The following TTN variants were observed in gnomAD, a reference collection of about 807,000 sequenced individuals.
TTN encodes the protein connectin.
In TTN, 1,525 loss-of-function variants were observed where a neutral mutation model predicts 3,223.0. The ratio of observed to expected loss-of-function variants is 0.47; its 90% confidence interval spans 0.45 to 0.49. The LOEUF is 0.49. Among genes scored for constraint, TTN ranks in the 20% least tolerant of loss-of-function variants. The pLI, the probability that TTN is intolerant of heterozygous loss-of-function variation, is 0.00. For synonymous variants in TTN, 14,094 were observed against 15,161.0 expected (o/e 0.93, Z 5.17); for missense variants, 40,786 against 43,424.0 (o/e 0.94, Z 5.40).
At chr2:178,793,627 A>G in intron 8 of TTN, 86 bp from the exon 9 acceptor site, 1 of 1,583,334 alleles carries the variant, frequency 6.3e-7, no homozygotes, top group Non-Finnish European at 8.6e-7. Context: ...ACATGGTGAA[A>G]TCCTCTACTA....
chr2:178,573,798 T>C lies in TTN; in HGVS notation c.72334A>G (p.Lys24112Glu). The C allele has an allele frequency of 6.2e-7, 1 of 1,610,934 alleles. No individual in the cohort carries two copies. Among genetic ancestry groups the C allele is most frequent in the Non-Finnish European group, 8.5e-7 (1 of 1,178,148 alleles). ...LTATNPGGFA[K>E]HIFNVKVLDR... ...AGAACTTTGACATTGAAAATGTGTT[T>C]AGCAAAGCCACCAGGATTAGTCGCT... is the stretch of plus-strand genomic sequence containing the variant. The change falls in exon 326 of 363, where the codon AAA becomes GAA. Residue 24112 changes from lysine (K) to glutamate (E), a missense_variant. Lys to Glu is a moderately conservative substitution (Grantham distance 56). Transcript: ENST00000589042.
chr2:178,532,092 G>A lies in TTN; in HGVS notation c.104523C>T (p.Arg34841=). The A allele has an allele frequency of 1.2e-6, 2 of 1,613,938 alleles. No homozygotes were observed. Among genetic ancestry groups the A allele is most frequent in the Non-Finnish European group, 8.5e-7 (1 of 1,179,868 alleles). Residue 34841 remains arginine (R), a synonymous_variant, in exon 358 of 363, where the codon CGC becomes CGT. Transcript: ENST00000589042. ...ACTCAATATAAGTTGGAGACAGGGA[G>A]CGCCGTCGTCTCAGTAGTCTAGACG... ...SSASRLLRRR[R]SLSPTYIELM...
In TTN at chr2:178,565,496, T is replaced by C. The variant is rs1486306347; in HGVS notation, c.80636A>G (p.Gln26879Arg). ...VPVIAKDLTI[Q>R]PSLKLPFNTY... ...GTTAAATGGTAACTTTAAACTAGGC[T>C]GTATAGTCAAGTCCTTGGCTATGAC... The change falls in exon 326 of 363, where the codon CAG becomes CGG. Residue 26879 changes from glutamine to arginine, a missense_variant. Physicochemically the swap from Gln to Arg is conservative, Grantham distance 43 (BLOSUM62 1). Transcript: ENST00000589042. 1 of 1,613,446 alleles carries C rather than the reference T, an allele frequency of 6.2e-7. No homozygotes were observed.
Position 178,576,219 on chromosome 2 carries a change from C to T in TTN, c.69913G>A (p.Asp23305Asn). The T allele has an allele frequency of 1.9e-6, 3 of 1,612,948 alleles. No homozygotes were observed. The highest frequency in any genetic ancestry group is 2.5e-6 in the Non-Finnish European group (3 of 1,179,418). The change falls in exon 326 of 363, where the codon GAT (aspartate) becomes AAT (asparagine). Residue 23305 changes from aspartate to asparagine, a missense_variant. Asp to Asn is a conservative substitution (Grantham distance 23, BLOSUM62 1). Coordinates refer to ENST00000589042, the MANE Select transcript of TTN (RefSeq NM_001267550.2). The surrounding 1 kb of genome is among the most constrained non-coding windows in gnomAD (Gnocchi z 4.3). Reference protein sequence around the residue: ...ALRITQFVVPDLQTKEKYNFR... With the variant: ...ALRITQFVVPNLQTKEKYNFR... ...TTGTATTTTTCTTTAGTCTGAAGAT[C>T]AGGAACAACGAACTGAGTGATTCTG...
At chr2:178,662,856 G>A (rs1029863379) in intron 174 of TTN, 44 bp from the exon 175 acceptor site, 4 of 1,155,826 alleles carry the variant, frequency 3.5e-6, no homozygotes, top group Non-Finnish European at 5.0e-6. Context: ...TATAAAGGGG[G>A]AATATCGACT....
chr2:178,775,572 G>C lies in TTN; in HGVS notation c.6292C>G (p.Arg2098Gly), dbSNP rs763722868. The C allele has an allele frequency of 1.9e-6, 3 of 1,614,014 alleles. No homozygotes were observed. In the Admixed American group the frequency reaches 5.0e-5, roughly 27 times the overall value. The stretch of plus-strand genomic sequence containing the variant: ...TCTGGTTTCCCCACGACTCTGACCC[G>C]GAAGTGTGCATCAGATCCTTGGCCC... ...TVGQGSDAHF[R>G]VRVVGKPDPE... The change falls in exon 28 of 363, where the codon CGG becomes GGG. Residue 2098 changes from arginine (R) to glycine (G), a missense_variant. By Grantham distance (125) the Arg-to-Gly change is moderately radical (BLOSUM62 -2). Transcript: ENST00000589042.
chr2:178,741,264 G>T lies in TTN; in HGVS notation c.11969C>A (p.Pro3990His), dbSNP rs33971253. The change falls in exon 48 of 363, where the codon CCT (proline) becomes CAT (histidine). Residue 3990 changes from proline (P) to histidine (H), a missense_variant. Transcript: ENST00000589042. ...GACAATGAAAGTTCCAGAGCCATTA[G>T]GGTTATGAATGATAGTGTAATAAAC... ...TSVYYTIIHN[P>H]NGSGTFIVND... The T allele has an allele frequency of 1.2e-6, 2 of 1,613,690 alleles. No individual in the cohort carries two copies. The highest frequency in any genetic ancestry group is 1.3e-5 in the African/African-American group (1 of 74,922).
chr2:178,688,239 GT>G lies in TTN; in HGVS notation c.32198-16del. The G allele has an allele frequency of 1.2e-6, 2 of 1,606,170 alleles. No individual in the cohort carries two copies. The highest frequency in any genetic ancestry group is 1.7e-6 in the Non-Finnish European group (2 of 1,175,060). Reference sequence around the variant, plus strand: ...CTCTGCAGATACTTTAAAAGATAAGGTTTCATTTAAATTCAGCCTGCTGAGA... The same window carrying G: ...CTCTGCAGATACTTTAAAAGATAAGGTTCATTTAAATTCAGCCTGCTGAGA... On this transcript the variant is annotated splice_polypyrimidine_tract_variant and intron_variant, in intron 126 of 362. Transcript: ENST00000589042.
Position 178,597,969 on chromosome 2 carries a change from G to A in TTN, c.57201C>T (p.Asn19067=), listed in dbSNP as rs762173832. 1.2e-6 allele frequency: 2 copies of A among 1,613,338 alleles called. No homozygotes were observed. The highest frequency in any genetic ancestry group is 1.7e-5 in the Admixed American group (1 of 59,956). ...AFYKFRVRAV[N]IAGIGEPGEV... is the part of the protein sequence containing the mutation. The stretch of plus-strand genomic sequence containing the variant: ...CTCCAGGTTCTCCAATGCCAGCAAT[G>A]TTGACTGCTCTAACTCTAAATTTGT... Residue 19067 remains asparagine, a synonymous_variant, in exon 293 of 363, where the codon AAC becomes AAT. Coordinates refer to ENST00000589042, the MANE Select transcript of TTN (RefSeq NM_001267550.2).
chr2:178,542,321 G>A lies in TTN; in HGVS notation c.97435C>T (p.Arg32479Cys), dbSNP rs200148139. The change falls in exon 349 of 363, where the codon CGC (arginine) becomes TGC (cysteine). Residue 32479 changes from arginine (R) to cysteine (C), a missense_variant. Transcript: ENST00000589042. ...TGCAAGTAAGAGCCAATCCCGAAGC[G>A]GTTTGTTGCAGCCACACGGAACACA... ...EYVFRVAATN[R>C]FGIGSYLQSE... is the part of the protein sequence containing the mutation. The A allele has an allele frequency of 4.3e-6, 7 of 1,612,990 alleles. No individual in the cohort carries two copies. Among genetic ancestry groups the A allele is most frequent in the Non-Finnish European group, 5.9e-6 (7 of 1,179,448 alleles).
Position 178,582,012 on chromosome 2 carries a change from A to C in TTN, c.66357T>G (p.Gly22119=). ...PIIERTLKAT[G]LQEGTEYEFR... ...ACTCATATTCGGTACCTTCTTGAAG[A>C]CCTGTTGCTTTTAATGTTCTTTCTA... The change falls in exon 315 of 363, where the codon GGT becomes GGG. Residue 22119 remains glycine, a synonymous_variant. Coordinates refer to ENST00000589042, the MANE Select transcript of TTN (RefSeq NM_001267550.2). 1 of 1,613,260 alleles carries C rather than the reference A, an allele frequency of 6.2e-7. No homozygotes were observed. The highest frequency in any genetic ancestry group is 8.5e-7 in the Non-Finnish European group (1 of 1,179,484).
chr2:178,597,784 C>T lies in TTN; in HGVS notation c.57298G>A (p.Asp19100Asn), dbSNP rs2154189970. 8 of 1,613,208 alleles carry T rather than the reference C, an allele frequency of 5.0e-6. No homozygotes were observed. The highest frequency in any genetic ancestry group is 4.2e-6 in the Non-Finnish European group (5 of 1,179,550). The change falls in exon 294 of 363, where the codon GAT becomes AAT. Residue 19100 changes from aspartate to asparagine, a missense_variant. Transcript: ENST00000589042. ...PDLQLDASVR[D>N]RIVVHAGGVI... The stretch of plus-strand genomic sequence containing the variant: ...CCTCCAGCATGGACAACAATTCTAT[C>T]TCTGACACTGGCATCTAGCTGAAGG...
At chr2:178,647,598 C>T (rs2062223238) in intron 213 of TTN, 134 bp from the exon 214 acceptor site, 1 of 741,344 alleles carries the variant, frequency 1.3e-6, no homozygotes, top group South Asian at 1.9e-5. Flanking sequence ...AGACATGGCA[C>T]CATTTTGGAC....
In TTN at chr2:178,565,202, A is replaced by G. The variant is rs774769114; in HGVS notation, c.80930T>C (p.Val26977Ala). Residue 26977 changes from valine (V) to alanine (A), a missense_variant, in exon 326 of 363, where the codon GTT becomes GCT. Transcript: ENST00000589042. ...VIVLEKPGPP[V>A]GPVRFDEVSA... is the part of the protein sequence containing the mutation. ...AACTTCATCAAACCGAACTGGGCCA[A>G]CTGGAGGTCCAGGCTTTTCTAAAAC... 6 of 1,613,448 alleles carry G rather than the reference A, an allele frequency of 3.7e-6. No individual in the cohort carries two copies. The African/African-American group carries it at 4.0e-5, about 11-fold the overall frequency.
At position 178,583,782 on chromosome 2, in the gene TTN, AG is replaced by A; in HGVS notation, c.65399del (p.Pro21800LeufsTer25). 6.2e-7 allele frequency: 1 copy of A among 1,610,990 alleles called. No individual in the cohort carries two copies. The highest frequency in any genetic ancestry group is 8.5e-7 in the Non-Finnish European group (1 of 1,178,502). On this transcript the variant is annotated frameshift_variant, in exon 312 of 363. Coordinates refer to ENST00000589042, the MANE Select transcript of TTN (RefSeq NM_001267550.2). LOFTEE classifies it high-confidence loss of function. The part of the protein sequence containing the change: ...IGYFVEACKL[P>X]GDKWVRCNTA... ...TATTGCACCGTACCCATTTATCACC[AG>A]GAAGTTTGCAAGCTTCTACGAAATA...
At position 178,775,427 on chromosome 2, in the gene TTN, G is replaced by A; in HGVS notation, c.6437C>T (p.Ser2146Phe). ...GATGGCTTTTACCATGATGCTGGCA[G>A]AGTCCTCAGCAGTCACATCTCTTAT... ...LVIRDVTAEDSASIMVKAINI... is the reference protein window; with the variant it reads ...LVIRDVTAEDFASIMVKAINI... Residue 2146 changes from serine (S) to phenylalanine (F), a missense_variant, in exon 28 of 363, where the codon TCT becomes TTT. Physicochemically the swap from Ser to Phe is radical, Grantham distance 155. Coordinates refer to ENST00000589042, the MANE Select transcript of TTN (RefSeq NM_001267550.2). 6.2e-7 allele frequency: 1 copy of A among 1,614,044 alleles called. No individual in the cohort carries two copies. Among genetic ancestry groups the A allele is most frequent in the Admixed American group, 1.7e-5 (1 of 60,006 alleles).
At position 178,731,918 on chromosome 2, in the gene TTN, C is replaced by T. The variant is rs267599067; in HGVS notation, c.16957G>A (p.Asp5653Asn). Residue 5653 changes from aspartate (D) to asparagine (N), a missense_variant, in exon 58 of 363, where the codon GAT (aspartate) becomes AAT (asparagine). Physicochemically the swap from Asp to Asn is conservative, Grantham distance 23. Transcript: ENST00000589042. ...FKPIEVLKEY[D>N]VMLLAEVAGT... The stretch of plus-strand genomic sequence containing the variant: ...GCCACCTCAGCCAGCAACATGACAT[C>T]GTACTCCTTTAAGACTTCAATTGGC... The T allele has an allele frequency of 9.9e-6, 16 of 1,613,442 alleles. No homozygotes were observed. The highest frequency in any genetic ancestry group is 4.4e-5 in the South Asian group (4 of 91,052).
At chr2:178,631,878 T>C (rs1283922330) in intron 236 of TTN, among the ~76,000 whole-genome samples, 1 of 152,104 alleles carries the variant, frequency 6.6e-6, no homozygotes, top group African/African-American at 2.4e-5. Flanking sequence ...TACTCCTATT[T>C]TAAACATGAC....
chr2:178,562,034 T>G lies in TTN; in HGVS notation c.84098A>C (p.Tyr28033Ser). 1 of 1,613,400 alleles carries G rather than the reference T, an allele frequency of 6.2e-7. No homozygotes were observed. The highest frequency in any genetic ancestry group is 8.5e-7 in the Non-Finnish European group (1 of 1,179,668). ...KEASKEDVGT[Y>S]ELCVSNSAGS... ...AGCACTGTTTGAAACACATAATTCA[T>G]AAGTTCCAACATCTTCCTTTGAAGC... The change falls in exon 326 of 363, where the codon TAT (tyrosine) becomes TCT (serine). Residue 28033 changes from tyrosine to serine, a missense_variant. Physicochemically the swap from Tyr to Ser is moderately radical, Grantham distance 144 (BLOSUM62 -2). Coordinates refer to ENST00000589042, the MANE Select transcript of TTN (RefSeq NM_001267550.2).
Sources: gnomAD v4.1 joint callset for allele counts (sites outside exome capture counted in the v4.1 genomes callset) on GRCh38, gnomAD v4.1.1 for gene constraint, Gnocchi (gnomAD v3.1) non-coding constraint, MANE v1.5 for transcripts, NCBI Gene and HGNC (gene_info 2026-07-23, HGNC 2026-07-21) for gene names.